Variants in LIMD1 observed in about 807,000 individuals in gnomAD.
LIMD1 encodes the protein LIM domain-containing protein 1.
In LIMD1, 23 loss-of-function variants were observed where a neutral mutation model predicts 58.4. That is an observed-to-expected ratio of 0.39 (90% CI 0.28 to 0.56). LIMD1 has a LOEUF of 0.56. Ranked by LOEUF, LIMD1 falls within the 20% of genes least tolerant of loss-of-function variation. The pLI is 0.57. For synonymous variants in LIMD1, 334 were observed against 345.5 expected (o/e 0.97, Z 0.37); for missense variants, 838 against 855.5 (o/e 0.98, Z 0.25).
chr3:45,633,575 A>T (rs1701757897), intron 1 of LIMD1, among the ~76,000 whole-genome samples: 1 of 152,152 alleles, frequency 6.6e-6, no homozygotes, highest in African/African-American at 2.4e-5. Context: ...TAGAATTGGG[A>T]TGGTGAGTAT....
At chr3:45,673,356 G>T in intron 5 of LIMD1, 98 bp from the exon 6 acceptor site, 1 of 894,006 alleles carries the variant, frequency 1.1e-6, no homozygotes, top group South Asian at 1.3e-5. Flanking sequence ...GGCAGGAGGC[G>T]GCATGGAGGA....
At chr3:45,666,884 G>C (rs1246767936) in intron 3 of LIMD1, among the ~76,000 whole-genome samples, 3 of 152,224 alleles carry the variant, frequency 2.0e-5, no homozygotes, top group Non-Finnish European at 4.4e-5. Context: ...CTCAGGGCCA[G>C]CTTCTCCCTG....
At chr3:45,638,151 C>G (rs1701807960) in intron 2 of LIMD1, among the ~76,000 whole-genome samples, 1 of 140,558 alleles carries the variant, frequency 7.1e-6, no homozygotes, top group Non-Finnish European at 1.5e-5. Context: ...TCCTGATGGC[C>G]TATGGTTCTT....
chr3:45,654,962 C>G (rs1454043860), intron 2 of LIMD1, among the ~76,000 whole-genome samples: 2 of 150,010 alleles, frequency 1.3e-5, no homozygotes, highest in African/African-American at 4.9e-5. Context: ...CTCTGTCACC[C>G]AGGCTGGAGT....
chr3:45,661,985 T>C (rs1697447984), intron 2 of LIMD1, among the ~76,000 whole-genome samples: 2 of 152,228 alleles, frequency 1.3e-5, no homozygotes, highest in South Asian at 4.1e-4. Flanking sequence ...CTTGAGCTCC[T>C]GGGTTCAAGT....
intron 1 of LIMD1, among the ~76,000 whole-genome samples, chr3:45,614,255 C>T (rs1252502059): frequency 6.6e-6 from 1 of 152,060 alleles, no homozygotes; most frequent in East Asian, 1.9e-4. Flanking sequence ...AGGCTGGGCA[C>T]AGTGGCTCAT....
rs1559527718 is a variant in LIMD1 at position 45,677,379 on chromosome 3, C to A, written c.*320C>A. ...CCTCCTGTCCCCTCTGGGAACATTT[C>A]ATGCTTCAGAGGGAGAGGTTTTTAT... On this transcript the variant is annotated 3_prime_UTR_variant, in exon 8 of 8. Coordinates refer to ENST00000273317, the MANE Select transcript of LIMD1 (RefSeq NM_014240.3). 2 of 243,652 alleles carry A rather than the reference C, an allele frequency of 8.2e-6. No individual in the cohort carries two copies. Among genetic ancestry groups the A allele is most frequent in the Non-Finnish European group, 8.1e-6 (1 of 123,696 alleles). 15.1% of individuals were successfully genotyped at this position (243,652 alleles called of 1,614,324 possible).
Position 45,680,499 on chromosome 3 carries a change from T to C in LIMD1, c.*3440T>C, listed in dbSNP as rs1697728180. 6.6e-6 allele frequency: 1 copy of C among 152,052 alleles called. No individual in the cohort carries two copies. Among genetic ancestry groups the C allele is most frequent in the African/African-American group, 2.4e-5 (1 of 41,372 alleles). The allele number at this position is 152,052 out of a possible 1,614,324, so 9.4% of individuals were successfully genotyped here. On this transcript the variant is annotated 3_prime_UTR_variant, in exon 8 of 8. Coordinates refer to ENST00000273317, the MANE Select transcript of LIMD1 (RefSeq NM_014240.3). Reference sequence around the variant, plus strand: ...GCCTGGCTAATTTTTGTATTTTTAATAGAGACGAGTTTCACCATGTTGCCC... The same window carrying C: ...GCCTGGCTAATTTTTGTATTTTTAACAGAGACGAGTTTCACCATGTTGCCC...
At chr3:45,671,225 A>G (rs972242214) in intron 4 of LIMD1, among the ~76,000 whole-genome samples, 7 of 152,244 alleles carry the variant, frequency 4.6e-5, no homozygotes, top group Non-Finnish European at 1.0e-4. Flanking sequence ...CTGAGCATTC[A>G]GAGGAAAGCT....
At chr3:45,644,120 A>G (rs530056249) in intron 2 of LIMD1, among the ~76,000 whole-genome samples, 5 of 152,316 alleles carry the variant, frequency 3.3e-5, no homozygotes, top group African/African-American at 1.2e-4. Context: ...ACACTCACAA[A>G]ATGCCATTTT....
intron 1 of LIMD1, among the ~76,000 whole-genome samples, chr3:45,599,657 C>T (rs1701392336): frequency 6.6e-6 from 1 of 152,166 alleles, no homozygotes; most frequent in Non-Finnish European, 1.5e-5. Context: ...GCCTAGGTCA[C>T]CTAAGGTCAC....
chr3:45,672,793 A>G lies in LIMD1; in HGVS notation c.1745A>G (p.Lys582Arg). 6.2e-6 allele frequency: 10 copies of G among 1,614,032 alleles called. No homozygotes were observed. The highest frequency in any genetic ancestry group is 7.6e-6 in the Non-Finnish European group (9 of 1,179,948). The change falls in exon 5 of 8, where the codon AAG becomes AGG. Residue 582 changes from lysine to arginine, a missense_variant. By Grantham distance (26) the Lys-to-Arg change is conservative. Transcript: ENST00000273317. ...CCCTTCACCGTGGACTCAGAGAACA[A>G]GATCTACTGTGTCCGAGATTACCAC... ...GVPFTVDSEN[K>R]IYCVRDYHKV...
chr3:45,666,784 C>T (rs1449980796), intron 3 of LIMD1, among the ~76,000 whole-genome samples: 1 of 152,184 alleles, frequency 6.6e-6, no homozygotes, highest in Admixed American at 6.5e-5. Flanking sequence ...CAGATTCTAA[C>T]AAGATGCCAT....
chr3:45,673,008 A>G (rs1378189736), intron 5 of LIMD1, among the ~76,000 whole-genome samples, 188 bp downstream of exon 5: 2 of 151,792 alleles, frequency 1.3e-5, no homozygotes, highest in East Asian at 3.9e-4. Context: ...GTTGACAGGA[A>G]TGGGTTAAAG....
At position 45,677,718 on chromosome 3, in the gene LIMD1, G is replaced by A. The variant is rs527837349; in HGVS notation, c.*659G>A. ...TCCTTAGACACTGACAGCATTCTCT[G>A]TACCCCTTCAAATCCTTACTCTCCT... On this transcript the variant is annotated 3_prime_UTR_variant, in exon 8 of 8. Transcript: ENST00000273317. 34 of 152,324 alleles carry A rather than the reference G, an allele frequency of 2.2e-4. No individual in the cohort carries two copies. The highest frequency in any genetic ancestry group is 7.7e-4 in the African/African-American group (32 of 41,548). 9.4% of individuals were successfully genotyped at this position (152,324 alleles called of 1,614,324 possible).
chr3:45,605,064 C>A (rs928411634), intron 1 of LIMD1, among the ~76,000 whole-genome samples: 1 of 152,220 alleles, frequency 6.6e-6, no homozygotes, highest in Non-Finnish European at 1.5e-5. Flanking sequence ...AGTCAGGAAA[C>A]CAGGTCTTCT....
intron 2 of LIMD1, among the ~76,000 whole-genome samples, chr3:45,659,757 C>G (rs970492465): frequency 6.6e-6 from 1 of 152,194 alleles, no homozygotes; most frequent in African/African-American, 2.4e-5. Flanking sequence ...CAGTTTGGAT[C>G]TAAGTAAATA....
chr3:45,670,761 T>C (rs1697577535), intron 4 of LIMD1, among the ~76,000 whole-genome samples: 1 of 152,232 alleles, frequency 6.6e-6, no homozygotes, highest in African/African-American at 2.4e-5. Flanking sequence ...GTGAGATCTC[T>C]ACCATATGGG....
intron 7 of LIMD1, among the ~76,000 whole-genome samples, chr3:45,676,699 T>C (rs1697677083): frequency 6.6e-6 from 1 of 152,256 alleles, no homozygotes; most frequent in Non-Finnish European, 1.5e-5. Flanking sequence ...AATCTGCATT[T>C]ACACTGACAG....
Sources: allele counts gnomAD v4.1 joint callset (sites outside exome capture counted in the v4.1 genomes callset), GRCh38; gene constraint gnomAD v4.1.1; transcripts MANE v1.5; gene names NCBI Gene and HGNC (gene_info 2026-07-23, HGNC 2026-07-21).